EDIL3: variants seen among roughly 807,000 people sequenced by gnomAD.
The protein encoded by EDIL3 is EGF like and discoidin domains 3, also known as EGF-like repeat and discoidin I-like domain-containing protein 3.
EDIL3 carries 37 observed loss-of-function variants against 67.4 expected under a neutral mutation model. The ratio of observed to expected loss-of-function variants is 0.55; its 90% confidence interval spans 0.42 to 0.72. The LOEUF (loss-of-function observed/expected upper bound fraction) is 0.72, where lower values mean the gene tolerates loss of function less well. Ranked by LOEUF, EDIL3 falls within the 30% of genes least tolerant of loss-of-function variation. The pLI, the probability that EDIL3 is intolerant of heterozygous loss-of-function variation, is 0.00. For missense variants in EDIL3, 527 were observed against 586.3 expected (o/e 0.90, Z 1.04); for synonymous variants, 195 against 196.3 (o/e 0.99, Z 0.05).
intron 1 of EDIL3, among the ~76,000 whole-genome samples, chr5:84,358,592 CTTTTTTTTTTTTTTT>C (rs756013675): frequency 1.1e-5 from 1 of 94,560 alleles, no homozygotes; most frequent in African/African-American, 4.0e-5. Flanking sequence ...CATTTTTATC[CTTTTTTTTTTTTTTT>C]TTTTTTTTTT....
intron 3 of EDIL3, among the ~76,000 whole-genome samples, chr5:84,214,768 A>T (rs1382875526): frequency 1.3e-5 from 2 of 151,590 alleles, no homozygotes; most frequent in Non-Finnish European, 2.9e-5. Context: ...CCCAGGCTGG[A>T]GTGCAGTGGT....
intron 9 of EDIL3, among the ~76,000 whole-genome samples, chr5:84,000,047 C>A: frequency 6.6e-6 from 1 of 151,402 alleles, no homozygotes. Context: ...TTATATTCAG[C>A]AAGAATATCC....
At chr5:84,175,064 T>C (rs1580361262) in intron 4 of EDIL3, among the ~76,000 whole-genome samples, 1 of 152,130 alleles carries the variant, frequency 6.6e-6, no homozygotes, top group East Asian at 1.9e-4. Flanking sequence ...CTGTAGGCGG[T>C]GGCAGTTCTG....
intron 6 of EDIL3, among the ~76,000 whole-genome samples, chr5:84,093,967 G>A (rs1747214404): frequency 6.6e-6 from 1 of 152,032 alleles, no homozygotes; most frequent in Admixed American, 6.6e-5. Flanking sequence ...CCCAGATGCA[G>A]CTTTTTAAAA....
chr5:84,176,395 C>T (rs1456298342), intron 4 of EDIL3, among the ~76,000 whole-genome samples: 1 of 84,644 alleles, frequency 1.2e-5, no homozygotes, highest in Non-Finnish European at 2.4e-5. Flanking sequence ...CTGTTTCTTT[C>T]CAGGCTCAGT....
At chr5:83,997,244 T>C (rs1472194826) in intron 9 of EDIL3, among the ~76,000 whole-genome samples, 3 of 152,214 alleles carry the variant, frequency 2.0e-5, no homozygotes, top group Non-Finnish European at 4.4e-5. Context: ...TTTTGTATTT[T>C]AGTAAGATTA....
At chr5:84,262,599 C>T (rs894367207) in intron 1 of EDIL3, among the ~76,000 whole-genome samples, 3 of 141,666 alleles carry the variant, frequency 2.1e-5, no homozygotes, top group Non-Finnish European at 3.0e-5. Context: ...AAATAAGTAG[C>T]GAAAATTTTG....
rs527848893 is a variant in EDIL3, at chr5:84,187,560, C to T, written c.227-7039G>A. Reference sequence around the variant, plus strand: ...TAAGGAAATGCCAGTAAGGCAATTGCAACAGCATAGTTTTTACTAGTTGTT... The same window carrying T: ...TAAGGAAATGCCAGTAAGGCAATTGTAACAGCATAGTTTTTACTAGTTGTT... On this transcript the variant is annotated intron_variant, in intron 3 of 10. Coordinates refer to ENST00000296591, the MANE Select transcript of EDIL3 (RefSeq NM_005711.5). Among the ~76,000 whole-genome samples the T allele has an allele frequency of 7.2e-5, 11 of 152,098 alleles. No individual in the cohort carries two copies. In the East Asian group the frequency reaches 2.1e-3, roughly 29 times the overall value.
At chr5:83,975,957 T>C (rs1275182459) in intron 9 of EDIL3, among the ~76,000 whole-genome samples, 1 of 151,918 alleles carries the variant, frequency 6.6e-6, no homozygotes, top group Non-Finnish European at 1.5e-5. Flanking sequence ...CAATTATGAA[T>C]AAATCTGTTA....
At chr5:83,992,102 C>T (rs1376731701) in intron 9 of EDIL3, among the ~76,000 whole-genome samples, 1 of 152,096 alleles carries the variant, frequency 6.6e-6, no homozygotes, top group Non-Finnish European at 1.5e-5. Flanking sequence ...CATCATCTTC[C>T]AGTGATTCAA....
intron 1 of EDIL3, among the ~76,000 whole-genome samples, chr5:84,292,599 T>C (rs1476892792): frequency 3.3e-5 from 5 of 152,196 alleles, no homozygotes; most frequent in Non-Finnish European, 7.4e-5. Context: ...TAAAAAGTGG[T>C]AATGCTATAA....
intron 1 of EDIL3, among the ~76,000 whole-genome samples, chr5:84,352,628 A>C (rs1747383778): frequency 6.6e-6 from 1 of 152,098 alleles, no homozygotes; most frequent in Non-Finnish European, 1.5e-5. Flanking sequence ...TAGATATTAG[A>C]GATTCCAAAT....
intron 7 of EDIL3, 59 bp from the exon 8 acceptor site, chr5:84,064,903 A>AT: frequency 6.4e-7 from 1 of 1,557,376 alleles, no homozygotes; most frequent in Admixed American, 1.9e-5. Context: ...ATTTTTACAT[A>AT]TTTACCCTAT....
At chr5:84,213,207 G>A (rs1468691679) in intron 3 of EDIL3, among the ~76,000 whole-genome samples, 2 of 147,694 alleles carry the variant, frequency 1.4e-5, no homozygotes, top group African/African-American at 5.0e-5. Flanking sequence ...TTTTTTTGAC[G>A]ATCTTATAAA....
At chr5:84,186,158 C>A (rs145899596) in intron 3 of EDIL3, among the ~76,000 whole-genome samples, 109 of 151,944 alleles carry the variant, frequency 7.2e-4, no homozygotes, top group African/African-American at 2.5e-3. Flanking sequence ...TTTGTGGTTA[C>A]CCCCATTCCA....
intron 4 of EDIL3, among the ~76,000 whole-genome samples, chr5:84,167,580 A>T (rs1398430269): frequency 6.6e-6 from 1 of 152,202 alleles, no homozygotes; most frequent in Non-Finnish European, 1.5e-5. Context: ...TGATGAAAGA[A>T]TAAGTATTCT....
intron 6 of EDIL3, among the ~76,000 whole-genome samples, chr5:84,093,785 A>G (rs7710927): frequency 0.37 from 56,395 of 150,594 alleles, 10,749 homozygotes; most frequent in Non-Finnish European, 0.4. Context: ...TCAGCCTCCC[A>G]AGTAGCTGGG....
At position 84,066,506 on chromosome 5, in the gene EDIL3, C is replaced by G; in HGVS notation, c.752G>C (p.Ser251Thr). 1.9e-6 allele frequency: 3 copies of G among 1,613,510 alleles called. No individual in the cohort carries two copies. The highest frequency in any genetic ancestry group is 1.7e-6 in the Non-Finnish European group (2 of 1,179,822). ...EYIKSYKIAY[S>T]NDGKTWAMYK... ...CATTGCCCAAGTCTTTCCATCATTA[C>G]TGTAGGCAATTTTGTAGGATTTTAT... The change falls in exon 7 of 11, where the codon AGT (serine) becomes ACT (threonine). Residue 251 changes from serine (S) to threonine (T), a missense_variant. By Grantham distance (58) the Ser-to-Thr change is moderately conservative. Transcript: ENST00000296591.
At chr5:84,235,439 A>C (rs1744660557) in intron 2 of EDIL3, among the ~76,000 whole-genome samples, 2 of 152,132 alleles carry the variant, frequency 1.3e-5, no homozygotes, top group African/African-American at 4.8e-5. Context: ...GGAGAATGGC[A>C]TCCATTGAAG....
Sources: allele counts gnomAD v4.1 joint callset (sites outside exome capture counted in the v4.1 genomes callset), GRCh38; gene constraint gnomAD v4.1.1; transcripts MANE v1.5; gene names NCBI Gene and HGNC (gene_info 2026-07-23, HGNC 2026-07-21).